PIP5K1B: variants seen among roughly 807,000 people sequenced by gnomAD.
The protein encoded by PIP5K1B is phosphatidylinositol 4-phosphate 5-kinase type-1 beta.
In PIP5K1B, 42 loss-of-function variants were observed where a neutral mutation model predicts 67.0. That is an observed-to-expected ratio of 0.63 (90% CI 0.49 to 0.81). The LOEUF is 0.81. Among genes scored for constraint, PIP5K1B ranks in the 30% least tolerant of loss-of-function variants. The pLI is 0.00. For missense variants in PIP5K1B, 459 were observed against 646.3 expected (o/e 0.71, Z 3.14); for synonymous variants, 214 against 231.4 (o/e 0.92, Z 0.68).
chr9:68,873,056 A>G (rs1488174458), intron 5 of PIP5K1B, among the ~76,000 whole-genome samples: 3 of 152,126 alleles, frequency 2.0e-5, no homozygotes, highest in African/African-American at 4.8e-5. Context: ...CTTCATGGGG[A>G]AAAAAAGTCT....
intron 4 of PIP5K1B, among the ~76,000 whole-genome samples, chr9:68,847,413 T>TTGTGTG (rs777818994): frequency 0.07 from 7,105 of 101,558 alleles, 453 homozygotes; most frequent in South Asian, 0.095. Flanking sequence ...AGCAGTGGTT[T>TTGTGTG]TGTGTGTGTG....
At chr9:68,819,207 G>A (rs150949925) in intron 3 of PIP5K1B, among the ~76,000 whole-genome samples, 26 of 152,306 alleles carry the variant, frequency 1.7e-4, no homozygotes, top group African/African-American at 6.0e-4. Context: ...ATCTGCGGGA[G>A]ATTGATTCTA....
intron 2 of PIP5K1B, among the ~76,000 whole-genome samples, chr9:68,791,024 G>A (rs1014223993): frequency 1.2e-4 from 19 of 152,166 alleles, no homozygotes; most frequent in Admixed American, 7.2e-4. Context: ...TTGTTTACCC[G>A]CAGAAGTTCG....
intron 2 of PIP5K1B, chr9:68,780,170 T>C (rs1257808888): frequency 6.6e-7 from 1 of 1,519,804 alleles, no homozygotes; most frequent in South Asian, 1.3e-5. Context: ...CCGACATGGC[T>C]CAGGAGAAGA....
chr9:68,884,512 A>C (rs1824361260), intron 6 of PIP5K1B, among the ~76,000 whole-genome samples: 3 of 152,020 alleles, frequency 2.0e-5, no homozygotes, highest in Admixed American at 2.0e-4. Context: ...AAACACAAAA[A>C]AATTATTCGG....
At chr9:68,723,871 A>G (rs1215272674) in intron 1 of PIP5K1B, among the ~76,000 whole-genome samples, 1 of 151,864 alleles carries the variant, frequency 6.6e-6, no homozygotes, top group Admixed American at 6.6e-5. Context: ...TTTCAGCTTG[A>G]TGCAATCTCA....
At chr9:68,723,716 T>TG (rs1828011886) in intron 1 of PIP5K1B, among the ~76,000 whole-genome samples, 1 of 112,282 alleles carries the variant, frequency 8.9e-6, no homozygotes, top group Non-Finnish European at 1.9e-5. Flanking sequence ...TTTTTTTTTT[T>TG]TGCTATTGAG....
chr9:68,932,918 T>C (rs1360223940), intron 12 of PIP5K1B, among the ~76,000 whole-genome samples: 1 of 151,940 alleles, frequency 6.6e-6, no homozygotes, highest in Non-Finnish European at 1.5e-5. Context: ...CTGACCAACA[T>C]GGAGAAACCC....
intron 6 of PIP5K1B, among the ~76,000 whole-genome samples, chr9:68,888,161 G>A (rs1375348974): frequency 2.0e-5 from 3 of 151,866 alleles, no homozygotes; most frequent in Non-Finnish European, 2.9e-5. Flanking sequence ...TGTATTTTTT[G>A]TAGAGACAGG....
intron 5 of PIP5K1B, among the ~76,000 whole-genome samples, chr9:68,867,013 G>A (rs1823391594): frequency 6.6e-6 from 1 of 152,120 alleles, no homozygotes; most frequent in Non-Finnish European, 1.5e-5. Flanking sequence ...CTGCTGCCAC[G>A]TAGGATGACT....
intron 2 of PIP5K1B, among the ~76,000 whole-genome samples, chr9:68,755,604 G>GT (rs1423693166): frequency 6.6e-6 from 1 of 152,180 alleles, no homozygotes. Context: ...ATTTACAGTT[G>GT]TTTTGTGTCT....
intron 14 of PIP5K1B, among the ~76,000 whole-genome samples, chr9:68,976,022 G>A (rs1485595429): frequency 6.6e-6 from 1 of 152,198 alleles, no homozygotes; most frequent in Non-Finnish European, 1.5e-5. Context: ...TTAGGGAGAT[G>A]CAATTCAACC....
intron 5 of PIP5K1B, among the ~76,000 whole-genome samples, chr9:68,868,427 A>G (rs1436624661): frequency 6.6e-6 from 1 of 152,206 alleles, no homozygotes; most frequent in Admixed American, 6.5e-5. Context: ...TAAGAACACT[A>G]TTTGGTATAT....
intron 14 of PIP5K1B, among the ~76,000 whole-genome samples, chr9:68,982,184 C>A (rs183968715): frequency 2.9e-4 from 44 of 152,284 alleles, no homozygotes; most frequent in Non-Finnish European, 6.2e-4. Context: ...AGCCACAAGT[C>A]TGAGAAATGG....
intron 2 of PIP5K1B, among the ~76,000 whole-genome samples, chr9:68,814,558 G>A (rs1833336097): frequency 6.6e-6 from 1 of 152,172 alleles, no homozygotes; most frequent in Admixed American, 6.5e-5. Flanking sequence ...GGCCATGCCT[G>A]TAATCCCAGC....
chr9:68,849,713 G>A (rs1822384742), intron 4 of PIP5K1B, among the ~76,000 whole-genome samples: 1 of 152,294 alleles, frequency 6.6e-6, no homozygotes. Context: ...TTTTCAGTGT[G>A]TAGAGAAAAA....
intron 14 of PIP5K1B, among the ~76,000 whole-genome samples, chr9:68,989,454 G>C (rs1045478524): frequency 6.6e-6 from 1 of 152,090 alleles, no homozygotes; most frequent in Non-Finnish European, 1.5e-5. Context: ...ACCCAGGGAA[G>C]ACCATAGGCT....
chr9:68,751,068 T>G (rs985424105), intron 2 of PIP5K1B, among the ~76,000 whole-genome samples: 3 of 152,206 alleles, frequency 2.0e-5, no homozygotes, highest in Non-Finnish European at 4.4e-5. Context: ...GGTTCAGGGA[T>G]CATTATTGGC....
intron 8 of PIP5K1B, among the ~76,000 whole-genome samples, chr9:68,908,488 A>C (rs1564223448): frequency 6.6e-6 from 1 of 151,954 alleles, no homozygotes; most frequent in Non-Finnish European, 1.5e-5. Flanking sequence ...CAAGTTCTAA[A>C]TCACGGCATA....
Sources: allele counts gnomAD v4.1 joint callset (sites outside exome capture counted in the v4.1 genomes callset), GRCh38; gene constraint gnomAD v4.1.1; transcripts MANE v1.5; gene names NCBI Gene and HGNC (gene_info 2026-07-23, HGNC 2026-07-21).